Variants in ZNF407 observed in about 807,000 individuals in gnomAD.
ZNF407 encodes the protein zinc finger protein 407.
ZNF407 carries 17 observed loss-of-function variants against 131.2 expected under a neutral mutation model. The observed-to-expected ratio is 0.13, with a 90% CI of 0.09 to 0.19. The LOEUF (loss-of-function observed/expected upper bound fraction) is 0.19, where lower values mean the gene tolerates loss of function less well. Ranked by LOEUF, ZNF407 falls within the 10% of genes least tolerant of loss-of-function variation. The pLI is 1.00. For synonymous variants in ZNF407, 1,156 were observed against 1,062.0 expected (o/e 1.09, Z -1.72); for missense variants, 2,681 against 2,830.6 (o/e 0.95, Z 1.20).
At chr18:74,676,484 T>C (rs1323730468) in intron 3 of ZNF407, among the ~76,000 whole-genome samples, 11 of 150,714 alleles carry the variant, frequency 7.3e-5, no homozygotes, top group Non-Finnish European at 1.3e-4. Flanking sequence ...TCACCCAGGC[T>C]GGAGTGCAGT....
intron 3 of ZNF407, among the ~76,000 whole-genome samples, chr18:74,733,667 T>C (rs1473614698): frequency 1.3e-5 from 2 of 152,220 alleles, no homozygotes; most frequent in African/African-American, 2.4e-5. Context: ...TTTTGTGATA[T>C]GTGAATGTCT....
intron 3 of ZNF407, among the ~76,000 whole-genome samples, chr18:74,705,612 A>G (rs1299207923): frequency 6.6e-6 from 1 of 152,158 alleles, no homozygotes; most frequent in Non-Finnish European, 1.5e-5. Context: ...TATAAAAAAC[A>G]TTTTTTTAGT....
intron 3 of ZNF407, among the ~76,000 whole-genome samples, chr18:74,779,225 C>T (rs2145022411): frequency 6.7e-6 from 1 of 149,258 alleles, no homozygotes; most frequent in Non-Finnish European, 1.5e-5. Flanking sequence ...ACGCCATTCT[C>T]CTGCCTCAAC....
chr18:74,755,728 C>CCTTCCTTT (rs1555684064), intron 3 of ZNF407, among the ~76,000 whole-genome samples: 9 of 63,480 alleles, frequency 1.4e-4, no homozygotes, highest in African/African-American at 3.5e-4. Flanking sequence ...TTCTTTCTTT[C>CCTTCCTTT]CTTTCTTTCT....
chr18:74,849,723 C>G (rs921909948), intron 4 of ZNF407, among the ~76,000 whole-genome samples: 6 of 152,154 alleles, frequency 3.9e-5, no homozygotes, highest in African/African-American at 1.2e-4. Flanking sequence ...GAAGGAGATT[C>G]CCTGAGACTT....
At chr18:74,779,544 A>G (rs1969555879) in intron 3 of ZNF407, among the ~76,000 whole-genome samples, 1 of 152,112 alleles carries the variant, frequency 6.6e-6, no homozygotes, top group Non-Finnish European at 1.5e-5. Context: ...ATTTGAACAC[A>G]ATTGAGCTGT....
intron 3 of ZNF407, among the ~76,000 whole-genome samples, chr18:74,713,344 G>T (rs1287025775): frequency 1.4e-5 from 2 of 145,454 alleles, no homozygotes; most frequent in Non-Finnish European, 3.0e-5. Context: ...GATTTACCTG[G>T]AACATTTTAG....
At chr18:74,705,346 C>T (rs936236286) in intron 3 of ZNF407, among the ~76,000 whole-genome samples, 1 of 152,114 alleles carries the variant, frequency 6.6e-6, no homozygotes, top group Admixed American at 6.6e-5. Flanking sequence ...GCAGCATGCA[C>T]ACTGACTGGC....
intron 4 of ZNF407, among the ~76,000 whole-genome samples, chr18:74,791,112 C>T (rs541402530): frequency 1.3e-5 from 2 of 152,210 alleles, no homozygotes; most frequent in South Asian, 2.1e-4. Flanking sequence ...TTGATAATCC[C>T]GTTTGAGACA....
At chr18:74,601,759 C>T (rs1481107816) in intron 1 of ZNF407, among the ~76,000 whole-genome samples, 3 of 152,154 alleles carry the variant, frequency 2.0e-5, no homozygotes, top group East Asian at 1.9e-4. Context: ...GGGACACCCC[C>T]GCCATAATTC....
At chr18:74,958,199 G>C (rs1448312650) in intron 8 of ZNF407, among the ~76,000 whole-genome samples, 1 of 152,166 alleles carries the variant, frequency 6.6e-6, no homozygotes, top group Non-Finnish European at 1.5e-5. Context: ...GCTGATGTAA[G>C]TGCCTGCGAT....
At chr18:74,767,752 C>G (rs1046067736) in intron 3 of ZNF407, among the ~76,000 whole-genome samples, 4 of 146,162 alleles carry the variant, frequency 2.7e-5, no homozygotes, top group Admixed American at 1.4e-4. Context: ...CTCCCGGGTT[C>G]ATGCCATTCT....
At chr18:75,008,813 T>C (rs1972940923) in intron 8 of ZNF407, among the ~76,000 whole-genome samples, 1 of 152,252 alleles carries the variant, frequency 6.6e-6, no homozygotes, top group African/African-American at 2.4e-5. Flanking sequence ...TTTGGAGATA[T>C]TTTGCTGTAA....
intron 4 of ZNF407, among the ~76,000 whole-genome samples, chr18:74,833,362 G>A (rs1282655174): frequency 6.6e-6 from 1 of 152,252 alleles, no homozygotes; most frequent in Non-Finnish European, 1.5e-5. Flanking sequence ...GCAAATGATT[G>A]AAGAGGTAAT....
intron 3 of ZNF407, among the ~76,000 whole-genome samples, chr18:74,779,219 C>T (rs1054468433): frequency 8.8e-5 from 13 of 147,222 alleles, no homozygotes; most frequent in African/African-American, 3.2e-4. Flanking sequence ...GGGTTCACGC[C>T]ATTCTCCTGC....
intron 3 of ZNF407, among the ~76,000 whole-genome samples, chr18:74,753,307 G>A (rs564672483): frequency 5.0e-4 from 76 of 152,268 alleles, no homozygotes; most frequent in African/African-American, 1.8e-3. Context: ...TCTGCAAACA[G>A]GCACAATTTG....
Position 74,632,596 on chromosome 18 carries a change from C to A in ZNF407, c.1577C>A (p.Thr526Lys). The A allele has an allele frequency of 6.2e-7, 1 of 1,614,030 alleles. No homozygotes were observed. Among genetic ancestry groups the A allele is most frequent in the Non-Finnish European group, 8.5e-7 (1 of 1,179,908 alleles). ...GTGAAGCCAGCTTCTGGCTCTCAGA[C>A]GTTGTGTGCTTGTACAGACTGTGGG... ...LTVKPASGSQ[T>K]LCACTDCGQV... Residue 526 changes from threonine to lysine, a missense_variant, in exon 2 of 9, where the codon ACG (threonine) becomes AAG (lysine). Coordinates refer to ENST00000299687, the MANE Select transcript of ZNF407 (RefSeq NM_017757.3).
intron 4 of ZNF407, among the ~76,000 whole-genome samples, chr18:74,789,783 C>T (rs1420356218): frequency 1.3e-5 from 2 of 152,058 alleles, no homozygotes; most frequent in African/African-American, 4.8e-5. Context: ...GTTCATATTG[C>T]AGACCAGCCT....
Position 74,688,601 on chromosome 18 carries a change from T to A in ZNF407, c.4802+47479T>A, listed in dbSNP as rs541221254. 1.5e-4 allele frequency among the ~76,000 whole-genome samples: 23 copies of A among 152,338 alleles called. No homozygotes were observed. In the East Asian group the frequency reaches 4.4e-3, roughly 29 times the overall value. ...TTGTTTCTAAAAACTCATTGTCAAA[T>A]TCAAGATCTCATAGATTTTCTTCTA... On this transcript the variant is annotated intron_variant, in intron 3 of 8. Coordinates refer to ENST00000299687, the MANE Select transcript of ZNF407 (RefSeq NM_017757.3).
Sources: allele counts gnomAD v4.1 joint callset (sites outside exome capture counted in the v4.1 genomes callset), GRCh38; gene constraint gnomAD v4.1.1; transcripts MANE v1.5; gene names NCBI Gene and HGNC (gene_info 2026-07-23, HGNC 2026-07-21).